The following ARNT variants were observed in gnomAD, a reference collection of about 807,000 sequenced individuals.
ARNT encodes the protein class E basic helix-loop-helix protein 2.
A neutral mutation model predicts 105.0 loss-of-function variants in ARNT; 30 were observed. That is an observed-to-expected ratio of 0.29 (90% CI 0.21 to 0.39). The LOEUF (loss-of-function observed/expected upper bound fraction) is 0.39, where lower values mean the gene tolerates loss of function less well. Among genes scored for constraint, ARNT ranks in the 10% least tolerant of loss-of-function variants. The pLI is 1.00. For synonymous variants in ARNT, 304 were observed against 344.0 expected (o/e 0.88, Z 1.29); for missense variants, 748 against 978.7 (o/e 0.76, Z 3.15).
intron 2 of ARNT, among the ~76,000 whole-genome samples, chr1:150,855,361 T>C (rs1664391931): frequency 6.6e-6 from 1 of 151,434 alleles, no homozygotes; most frequent in South Asian, 2.1e-4. Context: ...GAGACCATCC[T>C]GGCTAATATG....
intron 21 of ARNT, 62 bp downstream of exon 21, chr1:150,813,110 T>G: frequency 6.4e-7 from 1 of 1,554,864 alleles, no homozygotes; most frequent in South Asian, 1.2e-5. Context: ...TCACTGTCTC[T>G]CCTCCTCCTG....
intron 15 of ARNT, 87 bp from the exon 16 acceptor site, chr1:150,817,520 T>TA: frequency 7.6e-7 from 1 of 1,319,562 alleles, no homozygotes; most frequent in Non-Finnish European, 1.1e-6. Flanking sequence ...TAAAACAAAT[T>TA]AAACAGGCCG....
chr1:150,842,496 A>G, intron 4 of ARNT, 28 bp from the exon 5 acceptor site: 1 of 1,600,298 alleles, frequency 6.2e-7, no homozygotes, highest in Non-Finnish European at 8.5e-7. Context: ...GAACTAAGCT[A>G]AAATTAAAAT....
At chr1:150,873,085 C>A (rs1223968682) in intron 1 of ARNT, among the ~76,000 whole-genome samples, 1 of 151,856 alleles carries the variant, frequency 6.6e-6, no homozygotes, top group Non-Finnish European at 1.5e-5. Context: ...GAGATCGAGA[C>A]CACCCTGGCT....
intron 1 of ARNT, among the ~76,000 whole-genome samples, chr1:150,863,260 A>T (rs1665977296): frequency 6.6e-6 from 1 of 151,348 alleles, no homozygotes; most frequent in Non-Finnish European, 1.5e-5. Flanking sequence ...TACTTGGGAG[A>T]CTGAGGCATG....
chr1:150,854,047 C>T (rs1221007345), intron 2 of ARNT, among the ~76,000 whole-genome samples: 3 of 152,164 alleles, frequency 2.0e-5, no homozygotes, highest in Non-Finnish European at 4.4e-5. Flanking sequence ...TCCTATCTAT[C>T]TACCCAGTAA....
In ARNT at chr1:150,821,832, T is replaced by C. The variant is rs1397916467; in HGVS notation, c.1394+1362A>G. ...CCCAGCTAATTTTTGTATTTTCTTT[T>C]TTTTTTTTTTTTTTTTTTCAGTAGA... On this transcript the variant is annotated intron_variant, in intron 14 of 21. Transcript: ENST00000358595. Among the ~76,000 whole-genome samples the C allele has an allele frequency of 5.9e-4, 38 of 64,040 alleles. 2 individuals carry two copies. Among genetic ancestry groups the C allele is most frequent in the East Asian group, 4.2e-3 (8 of 1,890 alleles). 42.0% of individuals were successfully genotyped at this position (64,040 alleles called of 152,430 possible). A position where few individuals can be genotyped will look rare whatever the true frequency, so the allele number is the denominator to read the frequency against.
rs77736775 is a variant in ARNT at position 150,836,712 on chromosome 1, C to T, written c.487-219G>A. Among the ~76,000 whole-genome samples, 29 of 152,232 alleles carry T rather than the reference C, an allele frequency of 1.9e-4. No individual in the cohort carries two copies. In the East Asian group the frequency reaches 5.6e-3, roughly 29 times the overall value. On this transcript the variant is annotated intron_variant, in intron 6 of 21. Transcript: ENST00000358595. ...TTCCTCACTTTCTCTATGTCACTATCCACCTCTTCCTCTCTATCTCAGGAT... is the reference window on the plus strand; with the variant it reads ...TTCCTCACTTTCTCTATGTCACTATTCACCTCTTCCTCTCTATCTCAGGAT...
intron 3 of ARNT, among the ~76,000 whole-genome samples, chr1:150,848,465 AAAAG>A (rs1344294370): frequency 6.6e-6 from 1 of 152,178 alleles, no homozygotes; most frequent in East Asian, 1.9e-4. Context: ...CAAAAAAAAA[AAAAG>A]GAGTTCTGAA....
intron 8 of ARNT, among the ~76,000 whole-genome samples, chr1:150,833,373 A>G (rs1230105218): frequency 1.3e-5 from 2 of 151,920 alleles, no homozygotes; most frequent in Non-Finnish European, 2.9e-5. Flanking sequence ...TGTGGTGGCA[A>G]TCCAGCTACT....
Position 150,858,256 on chromosome 1 carries a change from G to A in ARNT, c.137+93C>T, listed in dbSNP as rs587597706. 5 of 903,186 alleles carry A rather than the reference G, an allele frequency of 5.5e-6. No individual in the cohort carries two copies. In the South Asian group the frequency reaches 7.6e-5, roughly 14 times the overall value. The allele number at this position is 903,186 out of a possible 1,614,324, so 55.9% of individuals were successfully genotyped here. On this transcript the variant is annotated intron_variant, in intron 2 of 21. Transcript: ENST00000358595. The stretch of plus-strand genomic sequence containing the variant: ...TAATCAAGTTGAAGTGAGATGGTCA[G>A]GAATAGCGAAGTGAGTTCAGCAACT...
chr1:150,824,852 GTTATTTTATTTT>G (rs1192166474), intron 13 of ARNT, among the ~76,000 whole-genome samples: 4 of 151,608 alleles, frequency 2.6e-5, no homozygotes, highest in African/African-American at 7.3e-5. Flanking sequence ...AGTAATTTTA[GTTATTTTATTTT>G]TTATTTTATT....
At chr1:150,873,381 C>T (rs758932114) in intron 1 of ARNT, among the ~76,000 whole-genome samples, 2 of 151,656 alleles carry the variant, frequency 1.3e-5, no homozygotes, top group Non-Finnish European at 2.9e-5. Flanking sequence ...ACCTACCCAC[C>T]GAGTTCTACT....
chr1:150,835,039 G>C (rs1290435450), intron 7 of ARNT, among the ~76,000 whole-genome samples: 2 of 151,320 alleles, frequency 1.3e-5, no homozygotes, highest in African/African-American at 4.9e-5. Context: ...GAGGCAGGAG[G>C]ACTGCTTGAG....
At chr1:150,865,416 A>G (rs1004185267) in intron 1 of ARNT, among the ~76,000 whole-genome samples, 2 of 152,228 alleles carry the variant, frequency 1.3e-5, no homozygotes, top group Admixed American at 1.3e-4. Flanking sequence ...GGGAAAAAGC[A>G]GAAAACCAAC....
chr1:150,836,401 C>G lies in ARNT; in HGVS notation c.579G>C (p.Val193=). The G allele has an allele frequency of 1.2e-6, 2 of 1,614,112 alleles. No homozygotes were observed. The highest frequency in any genetic ancestry group is 1.7e-6 in the Non-Finnish European group (2 of 1,180,010). Residue 193 remains valine, a synonymous_variant, in exon 7 of 22, where the codon GTG becomes GTC. Transcript: ENST00000358595. The stretch of plus-strand genomic sequence containing the variant: ...ACTGTGGCTGGTTCAAAACAGGAGT[C>G]ACGGAGTCAGACACATACACCACCC... ...TGRVVYVSDS[V]TPVLNQPQSE...
intron 8 of ARNT, 29 bp from the exon 9 acceptor site, chr1:150,832,428 C>A (rs1364541714): frequency 6.2e-7 from 1 of 1,608,370 alleles, no homozygotes; most frequent in Non-Finnish European, 8.5e-7. Context: ...AGATTAAAAG[C>A]AATCAGACTG....
intron 3 of ARNT, 123 bp from the exon 4 acceptor site, chr1:150,846,430 A>T: frequency 1.1e-6 from 1 of 880,108 alleles, no homozygotes; most frequent in Non-Finnish European, 1.8e-6. Context: ...AAAGCATCAC[A>T]AAGTGATAGA....
chr1:150,821,357 C>T (rs1456127525), intron 14 of ARNT, among the ~76,000 whole-genome samples: 1 of 152,182 alleles, frequency 6.6e-6, no homozygotes, highest in Non-Finnish European at 1.5e-5. Context: ...GTATTGCACT[C>T]AACACGATGA....
Sources: allele counts gnomAD v4.1 joint callset (sites outside exome capture counted in the v4.1 genomes callset), GRCh38; gene constraint gnomAD v4.1.1; transcripts MANE v1.5; gene names NCBI Gene and HGNC (gene_info 2026-07-23, HGNC 2026-07-21).